PARN: variants seen among roughly 807,000 people sequenced by gnomAD.
The protein encoded by PARN is poly(A)-specific ribonuclease, also known as poly(A)-specific ribonuclease PARN.
Under a neutral mutation model 102.8 loss-of-function variants are expected in PARN, and 71 were observed. The observed-to-expected ratio is 0.69, with a 90% CI of 0.57 to 0.84. The LOEUF (loss-of-function observed/expected upper bound fraction) is 0.84, where lower values mean the gene tolerates loss of function less well. Among genes scored for constraint, PARN ranks in the 40% least tolerant of loss-of-function variants. PARN has a pLI of 0.00. For missense variants in PARN, 782 were observed against 760.9 expected (o/e 1.03, Z -0.33); for synonymous variants, 261 against 252.9 (o/e 1.03, Z -0.30).
intron 22 of PARN, among the ~76,000 whole-genome samples, chr16:14,481,969 G>T (rs1418694237): frequency 6.6e-6 from 1 of 152,188 alleles, no homozygotes. Flanking sequence ...AAGCTCAGGA[G>T]ATCAGGCAGA....
Position 14,608,295 on chromosome 16 carries a change from C to T in PARN, c.645G>A (p.Gln215=). The change falls in exon 9 of 24, where the codon CAG becomes CAA. Residue 215 remains glutamine (Q), a synonymous_variant. Transcript: ENST00000437198. The part of the protein sequence containing the change: ...CTGFQRKLIY[Q]TLSWKYPKGI... The stretch of plus-strand genomic sequence containing the variant: ...TAAATACTTACTTCCAGCTCAAAGT[C>T]TGATAAATTAGTTTTCTTTGGAACC... 2.6e-6 allele frequency: 4 copies of T among 1,541,722 alleles called. No homozygotes were observed. The highest frequency in any genetic ancestry group is 3.5e-6 in the Non-Finnish European group (4 of 1,139,928).
chr16:14,442,333 A>G (rs1161979823), intron 23 of PARN, among the ~76,000 whole-genome samples: 1 of 152,148 alleles, frequency 6.6e-6, no homozygotes, highest in East Asian at 1.9e-4. Context: ...TCCTGAAGAC[A>G]TTTTATTCCA....
At chr16:14,592,231 C>T (rs879785470) in intron 13 of PARN, among the ~76,000 whole-genome samples, 7 of 152,136 alleles carry the variant, frequency 4.6e-5, no homozygotes, top group Non-Finnish European at 7.3e-5. Context: ...AAAAGAAGTA[C>T]AAGTTAAATA....
rs1187614123 is a variant in PARN, at chr16:14,627,148, T to A, written c.285A>T (p.Lys95Asn). Reference protein sequence around the residue: ...TKSFNFYVFPKPFNRSSPDVK... With the variant: ...TKSFNFYVFPNPFNRSSPDVK... ...CATCTGGTGAGGATCTATTGAAGGG[T>A]TTCGGGAAAACATAGAAGTTAAATG... Residue 95 changes from lysine (K) to asparagine (N), a missense_variant, in exon 5 of 24, where the codon AAA becomes AAT. Coordinates refer to ENST00000437198, the MANE Select transcript of PARN (RefSeq NM_002582.4). 1 of 1,606,872 alleles carries A rather than the reference T, an allele frequency of 6.2e-7. No individual in the cohort carries two copies. Among genetic ancestry groups the A allele is most frequent in the Non-Finnish European group, 8.5e-7 (1 of 1,174,554 alleles).
At chr16:14,567,775 C>T (rs1388721210) in intron 18 of PARN, among the ~76,000 whole-genome samples, 2 of 152,140 alleles carry the variant, frequency 1.3e-5, no homozygotes, top group Non-Finnish European at 2.9e-5. Context: ...GCTGTGTTCT[C>T]GACCCTAATG....
At chr16:14,533,227 A>C (rs1966447779) in intron 21 of PARN, among the ~76,000 whole-genome samples, 1 of 152,050 alleles carries the variant, frequency 6.6e-6, no homozygotes, top group Non-Finnish European at 1.5e-5. Context: ...AACACAGCGA[A>C]ACCCCGTCTC....
At chr16:14,530,924 AC>A in intron 21 of PARN, among the ~76,000 whole-genome samples, 1 of 152,304 alleles carries the variant, frequency 6.6e-6, no homozygotes, top group South Asian at 2.1e-4. Context: ...TCCTCTGAAG[AC>A]AAAAACACTT....
intron 6 of PARN, 141 bp from the exon 7 acceptor site, chr16:14,610,950 TG>T (rs1971487225): frequency 3.2e-6 from 2 of 627,540 alleles, no homozygotes; most frequent in Non-Finnish European, 5.6e-6. Context: ...GAAAGGCAAA[TG>T]ATTTTGAAAT....
intron 22 of PARN, among the ~76,000 whole-genome samples, 190 bp downstream of exon 22, chr16:14,482,448 T>C (rs1963433168): frequency 6.6e-6 from 1 of 151,958 alleles, no homozygotes; most frequent in South Asian, 2.1e-4. Flanking sequence ...TTAACCAAAA[T>C]GGCTATGGTC....
rs1960656845 is a variant in PARN, at chr16:14,435,825, T to C, written c.*892A>G. On this transcript the variant is annotated 3_prime_UTR_variant, in exon 24 of 24. Coordinates refer to ENST00000437198, the MANE Select transcript of PARN (RefSeq NM_002582.4). ...AAGCGGGTGGAGCAAAGCAGCGCCA[T>C]GAGCGTTTGTCGTTGCTGTGATCTG... 1 of 151,892 alleles carries C rather than the reference T, an allele frequency of 6.6e-6. No homozygotes were observed. Among genetic ancestry groups the C allele is most frequent in the South Asian group, 2.1e-4 (1 of 4,788 alleles). 9.4% of individuals were successfully genotyped at this position (151,892 alleles called of 1,614,324 possible). A position where few individuals can be genotyped will look rare whatever the true frequency, so the allele number is the denominator to read the frequency against.
At position 14,628,266 on chromosome 16, in the gene PARN, A is replaced by G. The variant is rs1273322974; in HGVS notation, c.98-15T>C. The G allele has an allele frequency of 1.3e-6, 2 of 1,523,702 alleles. No individual in the cohort carries two copies. Among genetic ancestry groups the G allele is most frequent in the African/African-American group, 2.8e-5 (2 of 72,538 alleles). 94.4% of individuals were successfully genotyped at this position (1,523,702 alleles called of 1,614,324 possible). ...ATCACTGATTCCTAGATTTTAAGAA[A>G]TAAAAATTTTTAGCTTACTAATAAA... On this transcript the variant is annotated splice_polypyrimidine_tract_variant and intron_variant, in intron 2 of 23. Transcript: ENST00000437198.
At chr16:14,577,166 C>T (rs1969195236) in intron 18 of PARN, among the ~76,000 whole-genome samples, 1 of 152,198 alleles carries the variant, frequency 6.6e-6, no homozygotes, top group Non-Finnish European at 1.5e-5. Context: ...GTAAAGGTTA[C>T]ATTTAGAAAA....
intron 23 of PARN, among the ~76,000 whole-genome samples, chr16:14,446,277 G>A (rs924864989): frequency 6.6e-6 from 1 of 152,210 alleles, no homozygotes; most frequent in African/African-American, 2.4e-5. Flanking sequence ...CTTCTTAAGC[G>A]CAGCATGGCC....
intron 21 of PARN, among the ~76,000 whole-genome samples, chr16:14,540,195 T>C (rs561312162): frequency 1.1e-3 from 168 of 152,326 alleles, no homozygotes; most frequent in Non-Finnish European, 2.0e-3. Flanking sequence ...AATCTTATTT[T>C]TAAAAGTCAT....
intron 21 of PARN, among the ~76,000 whole-genome samples, chr16:14,525,652 T>C (rs1002366244): frequency 6.6e-6 from 1 of 152,146 alleles, no homozygotes; most frequent in Non-Finnish European, 1.5e-5. Flanking sequence ...TGCAAGCCTA[T>C]GACAGAGCCG....
At chr16:14,530,963 GCATT>G (rs1356637566) in intron 21 of PARN, among the ~76,000 whole-genome samples, 8 of 147,086 alleles carry the variant, frequency 5.4e-5, no homozygotes, top group African/African-American at 1.2e-4. Context: ...ATTCATGCAT[GCATT>G]CATTCATTCA....
chr16:14,555,310 AC>A (rs141717449), intron 19 of PARN, among the ~76,000 whole-genome samples: 2,856 of 152,344 alleles, frequency 0.019, 44 homozygotes, highest in Non-Finnish European at 0.03. Context: ...TAACTGGAAA[AC>A]AGAAATTTTA....
At chr16:14,607,426 T>C (rs967179016) in intron 9 of PARN, among the ~76,000 whole-genome samples, 3 of 152,050 alleles carry the variant, frequency 2.0e-5, no homozygotes, top group African/African-American at 7.2e-5. Context: ...CAGGCTGGTC[T>C]TGAACTCCTG....
chr16:14,473,568 C>T (rs1014756542), intron 22 of PARN, among the ~76,000 whole-genome samples: 2 of 152,130 alleles, frequency 1.3e-5, no homozygotes. Flanking sequence ...AGCTAAACAA[C>T]AGGAAATTTC....
Sources: gnomAD v4.1 joint callset for allele counts (sites outside exome capture counted in the v4.1 genomes callset) on GRCh38, gnomAD v4.1.1 for gene constraint, MANE v1.5 for transcripts, NCBI Gene and HGNC (gene_info 2026-07-23, HGNC 2026-07-21) for gene names.